TMEM131: variants seen among roughly 807,000 people sequenced by gnomAD.
TMEM131 encodes the protein 2610524E03Rik.
A neutral mutation model predicts 211.6 loss-of-function variants in TMEM131; 66 were observed. The observed-to-expected ratio is 0.31, with a 90% CI of 0.26 to 0.38. The LOEUF (loss-of-function observed/expected upper bound fraction) is 0.38, where lower values mean the gene tolerates loss of function less well. Among genes scored for constraint, TMEM131 ranks in the 10% least tolerant of loss-of-function variants. The pLI, the probability that TMEM131 is intolerant of heterozygous loss-of-function variation, is 1.00. For missense variants in TMEM131, 2,036 were observed against 2,299.3 expected (o/e 0.89, Z 2.34); for synonymous variants, 844 against 841.3 (o/e 1.00, Z -0.06).
rs1243089029 is a variant in TMEM131, at chr2:97,796,899, T to C, written c.2958A>G (p.Pro986=). 14 of 1,613,570 alleles carry C rather than the reference T, an allele frequency of 8.7e-6. No homozygotes were observed. Among genetic ancestry groups the C allele is most frequent in the Non-Finnish European group, 1.1e-5 (13 of 1,179,464 alleles). The change falls in exon 27 of 41, where the codon CCA becomes CCG. Residue 986 remains proline (P), a synonymous_variant. Transcript: ENST00000186436. ...NLRVAGKLPG[P]GSSLRFKITE... Reference sequence around the variant, plus strand: ...TGATTTTAAAGCGTAAGGAGCTTCCTGGACCTGGAAGCTTGCCTGCCACCC... The same window carrying C: ...TGATTTTAAAGCGTAAGGAGCTTCCCGGACCTGGAAGCTTGCCTGCCACCC...
chr2:97,812,094 C>G (rs192096081), intron 17 of TMEM131, among the ~76,000 whole-genome samples: 1 of 152,282 alleles, frequency 6.6e-6, no homozygotes. Context: ...CTCTTTTTCC[C>G]AGTAAACTCA....
intron 31 of TMEM131, among the ~76,000 whole-genome samples, chr2:97,778,470 G>C (rs970489048): frequency 6.6e-6 from 1 of 151,836 alleles, no homozygotes; most frequent in African/African-American, 2.4e-5. Flanking sequence ...AGAATCGCTT[G>C]AACTCAGGAG....
At chr2:97,882,524 C>T (rs1015948027) in intron 4 of TMEM131, among the ~76,000 whole-genome samples, 5 of 152,210 alleles carry the variant, frequency 3.3e-5, no homozygotes, top group Admixed American at 2.0e-4. Context: ...CAAACAGCAG[C>T]TAGACCTGCA....
chr2:97,873,564 T>C (rs1674575919), intron 4 of TMEM131, among the ~76,000 whole-genome samples: 1 of 152,202 alleles, frequency 6.6e-6, no homozygotes, highest in Non-Finnish European at 1.5e-5. Flanking sequence ...CAGGCAGCAA[T>C]CTTTGCTGTT....
chr2:97,855,024 C>G (rs1432561439), intron 5 of TMEM131, among the ~76,000 whole-genome samples: 4 of 152,150 alleles, frequency 2.6e-5, no homozygotes, highest in African/African-American at 9.7e-5. Context: ...CTTGCCTTCC[C>G]TCTGCTGCTG....
intron 7 of TMEM131, among the ~76,000 whole-genome samples, chr2:97,841,091 T>C (rs1404336675): frequency 6.6e-6 from 1 of 152,234 alleles, no homozygotes; most frequent in Non-Finnish European, 1.5e-5. Context: ...GAAAGAACTC[T>C]GGCACCCTGG....
At chr2:97,834,712 C>A in intron 9 of TMEM131, 35 bp from the exon 10 acceptor site, 1 of 1,595,594 alleles carries the variant, frequency 6.3e-7, no homozygotes, top group Non-Finnish European at 8.5e-7. Context: ...TTATTTTTCA[C>A]TTTGCCAGAG....
chr2:97,821,841 C>T (rs1682137844), intron 11 of TMEM131, among the ~76,000 whole-genome samples: 1 of 152,158 alleles, frequency 6.6e-6, no homozygotes, highest in South Asian at 2.1e-4. Flanking sequence ...TAACAACCCC[C>T]AACTCTTCAG....
chr2:97,991,029 A>G (rs1680240645), intron 1 of TMEM131, among the ~76,000 whole-genome samples: 1 of 152,232 alleles, frequency 6.6e-6, no homozygotes. Context: ...ATTCGAATTT[A>G]TATTTACTAG....
intron 1 of TMEM131, among the ~76,000 whole-genome samples, chr2:97,943,027 AAAAGAAAAGAAAAGAAAG>A (rs1389462156): frequency 3.1e-3 from 155 of 49,690 alleles, no homozygotes; most frequent in Non-Finnish European, 3.9e-3. Context: ...AAAAGAAAAG[AAAAGAAAAGAAAAGAAAG>A]AAAGAAAGAA....
chr2:97,924,847 C>T (rs1676913812), intron 2 of TMEM131, among the ~76,000 whole-genome samples: 1 of 152,062 alleles, frequency 6.6e-6, no homozygotes, highest in Non-Finnish European at 1.5e-5. Context: ...AAATGAGGTG[C>T]AAAATAAATT....
At chr2:97,970,476 A>G (rs560785652) in intron 1 of TMEM131, among the ~76,000 whole-genome samples, 2 of 152,360 alleles carry the variant, frequency 1.3e-5, no homozygotes, top group Non-Finnish European at 2.9e-5. Flanking sequence ...TAGCAACTCT[A>G]TTAAGCATGT....
chr2:97,855,962 G>T (rs1488778301), intron 5 of TMEM131, among the ~76,000 whole-genome samples: 1 of 152,216 alleles, frequency 6.6e-6, no homozygotes. Flanking sequence ...AGAAGAGATT[G>T]ATCATTAAGT....
intron 31 of TMEM131, among the ~76,000 whole-genome samples, chr2:97,776,700 A>C (rs1679751389): frequency 6.6e-6 from 1 of 152,234 alleles, no homozygotes; most frequent in Non-Finnish European, 1.5e-5. Context: ...ATCCTCTGAC[A>C]TCTGCTGGGA....
At position 97,793,559 on chromosome 2, in the gene TMEM131, G is replaced by A; in HGVS notation, c.3387-6C>T. The A allele has an allele frequency of 6.3e-7, 1 of 1,591,244 alleles. No individual in the cohort carries two copies. Among genetic ancestry groups the A allele is most frequent in the Non-Finnish European group, 8.5e-7 (1 of 1,170,282 alleles). ...TGACCAAAAGAAACAGTGCACTGCA[G>A]GGGTAAAAAAAATTGGAAAATCAGG... is the stretch of plus-strand genomic sequence containing the variant. On this transcript the variant is annotated splice_region_variant and splice_polypyrimidine_tract_variant and intron_variant, in intron 29 of 40. Coordinates refer to ENST00000186436, the MANE Select transcript of TMEM131 (RefSeq NM_015348.2).
chr2:97,802,230 C>T (rs1681067251), intron 24 of TMEM131, among the ~76,000 whole-genome samples, 198 bp downstream of exon 24: 1 of 152,130 alleles, frequency 6.6e-6, no homozygotes, highest in Admixed American at 6.5e-5. Flanking sequence ...CTTTTTCTTG[C>T]CTTATATTGA....
At chr2:97,943,148 T>G (rs1409812667) in intron 1 of TMEM131, among the ~76,000 whole-genome samples, 1 of 151,928 alleles carries the variant, frequency 6.6e-6, no homozygotes, top group Non-Finnish European at 1.5e-5. Context: ...CTCAGGAGGC[T>G]GAGGCAGAAA....
At chr2:97,899,592 A>G (rs1330344289) in intron 3 of TMEM131, among the ~76,000 whole-genome samples, 1 of 152,142 alleles carries the variant, frequency 6.6e-6, no homozygotes, top group Admixed American at 6.6e-5. Context: ...TTCTGTTGGA[A>G]AGGATGTGGG....
rs1674432651 is a variant in TMEM131, at chr2:97,870,137, G to T, written c.360-10710C>A. 3.9e-5 allele frequency among the ~76,000 whole-genome samples: 6 copies of T among 152,116 alleles called. No individual in the cohort carries two copies. In the South Asian group the frequency reaches 1.2e-3, roughly 32 times the overall value. ...CAGATTTTAAAGGTTCGTGGATTAG[G>T]TCAGGCTCACCCAAAAAAAATCTAT... On this transcript the variant is annotated intron_variant, in intron 4 of 40. Coordinates refer to ENST00000186436, the MANE Select transcript of TMEM131 (RefSeq NM_015348.2).
Sources: gnomAD v4.1 joint callset for allele counts (sites outside exome capture counted in the v4.1 genomes callset) on GRCh38, gnomAD v4.1.1 for gene constraint, MANE v1.5 for transcripts, NCBI Gene and HGNC (gene_info 2026-07-23, HGNC 2026-07-21) for gene names.